ANKRD30B: variants seen among roughly 807,000 people sequenced by gnomAD.
ANKRD30B encodes the protein ankyrin repeat domain 30B.
ANKRD30B carries 144 observed loss-of-function variants against 202.2 expected under a neutral mutation model. The observed-to-expected ratio is 0.71, with a 90% CI of 0.62 to 0.82. The LOEUF (loss-of-function observed/expected upper bound fraction) is 0.82, where lower values mean the gene tolerates loss of function less well. Among genes scored for constraint, ANKRD30B ranks in the 40% least tolerant of loss-of-function variants. ANKRD30B has a pLI of 0.00. For synonymous variants in ANKRD30B, 508 were observed against 561.3 expected, an observed-to-expected ratio of 0.91 and a Z score of 1.34; for missense variants, 1,487 against 1,669.1, an observed-to-expected ratio of 0.89 and a Z score of 1.90.
the ANKRD30B span, among the ~76,000 whole-genome samples, chr18:14,870,889 G>A: frequency 9.9e-5 from 15 of 151,852 alleles, no homozygotes; most frequent in African/African-American, 2.7e-4. Context: ...TCCCAAACCT[G>A]CAGCCAGGCC....
intron 39 of ANKRD30B, among the ~76,000 whole-genome samples, chr18:14,847,075 T>C (rs1380996994): frequency 2.9e-5 from 1 of 34,118 alleles, no homozygotes; most frequent in African/African-American, 1.0e-4. Context: ...TATATATATA[T>C]ATATATATAT....
rs1323304959 is a variant in ANKRD30B, at chr18:14,848,899, C to G, written c.3365C>G (p.Ala1122Gly). The G allele has an allele frequency of 5.0e-6, 8 of 1,595,654 alleles. No individual in the cohort carries two copies. Among genetic ancestry groups the G allele is most frequent in the Non-Finnish European group, 6.8e-6 (8 of 1,173,218 alleles). The change falls in exon 40 of 44, where the codon GCT becomes GGT. Residue 1122 changes from alanine (A) to glycine (G), a missense_variant. Coordinates refer to ENST00000690538, the MANE Select transcript of ANKRD30B (RefSeq NM_001367607.2). Reference sequence around the variant, plus strand: ...AAATCACAGTTAGAGAACCAAAAAGCTAAATGGGAACAAGAGCTCTGCAGT... The same window carrying G: ...AAATCACAGTTAGAGAACCAAAAAGGTAAATGGGAACAAGAGCTCTGCAGT... ...EIKSQLENQKAKWEQELCSVR... is the reference protein window; with the variant it reads ...EIKSQLENQKGKWEQELCSVR...
chr18:14,769,070 C>T (rs1284568580), intron 7 of ANKRD30B, among the ~76,000 whole-genome samples: 1 of 152,202 alleles, frequency 6.6e-6, no homozygotes, highest in African/African-American at 2.4e-5. Context: ...TCATCTGAGT[C>T]TTCATAACAA....
intron 16 of ANKRD30B, among the ~76,000 whole-genome samples, chr18:14,792,729 AAT>A (rs34809108): frequency 0.46 from 68,352 of 147,398 alleles, 15,810 homozygotes; most frequent in East Asian, 0.57. Context: ...TGAGGCATCA[AAT>A]ATATATATAT....
At chr18:14,798,648 C>G (rs1024256205) in intron 20 of ANKRD30B, among the ~76,000 whole-genome samples, 11 of 152,056 alleles carry the variant, frequency 7.2e-5, no homozygotes, top group African/African-American at 9.7e-5. Context: ...CAGGCACCCC[C>G]CTCCGTGCGT....
Position 14,822,687 on chromosome 18 carries a change from G to T in ANKRD30B, c.2743+10G>T. On this transcript the variant is annotated intron_variant, in intron 32 of 43. Transcript: ENST00000690538. ...GAAACATTCAAAGCAGGTAAATTTT[G>T]TAATTTTAATTTTACTGTGGAATTA... 7.7e-7 allele frequency: 1 copy of T among 1,293,146 alleles called. No individual in the cohort carries two copies. Among genetic ancestry groups the T allele is most frequent in the Non-Finnish European group, 1.1e-6 (1 of 949,690 alleles). The allele number at this position is 1,293,146 out of a possible 1,614,324, so 80.1% of individuals were successfully genotyped here.
chr18:14,815,487 T>C (rs1465443532), intron 30 of ANKRD30B, among the ~76,000 whole-genome samples: 1 of 152,022 alleles, frequency 6.6e-6, no homozygotes, highest in Non-Finnish European at 1.5e-5. Flanking sequence ...AGGCCTTTCA[T>C]GGGAAAAATG....
the ANKRD30B span, among the ~76,000 whole-genome samples, chr18:14,882,265 C>A: frequency 6.6e-6 from 1 of 152,188 alleles, no homozygotes; most frequent in Admixed American, 6.5e-5. Context: ...AAACTTTCCT[C>A]TTAGCACTGC....
the ANKRD30B span, among the ~76,000 whole-genome samples, chr18:14,928,520 A>G: frequency 6.6e-6 from 1 of 152,144 alleles, no homozygotes; most frequent in Non-Finnish European, 1.5e-5. Context: ...TGGCCCGAGT[A>G]GGGACATTGG....
At chr18:14,828,584 C>G (rs1487541436) in intron 33 of ANKRD30B, among the ~76,000 whole-genome samples, 1 of 152,134 alleles carries the variant, frequency 6.6e-6, no homozygotes, top group Admixed American at 6.5e-5. Flanking sequence ...ATCTGCTTAC[C>G]TTGCTCCCTA....
the ANKRD30B span, among the ~76,000 whole-genome samples, chr18:14,893,232 A>G: frequency 2.0e-5 from 3 of 152,220 alleles, no homozygotes; most frequent in Admixed American, 6.5e-5. Context: ...AAGCTCAAGA[A>G]TAAAGCAATT....
At chr18:14,828,072 C>T (rs963344825) in intron 32 of ANKRD30B, among the ~76,000 whole-genome samples, 3 of 152,080 alleles carry the variant, frequency 2.0e-5, no homozygotes, top group African/African-American at 4.8e-5. Flanking sequence ...TGAAAGTGTG[C>T]GTGATTCTTT....
chr18:14,926,616 A>T, the ANKRD30B span, among the ~76,000 whole-genome samples: 1 of 152,214 alleles, frequency 6.6e-6, no homozygotes, highest in Non-Finnish European at 1.5e-5. Context: ...AAATATTTTA[A>T]ATTTTAACAT....
chr18:14,823,657 G>A (rs1343083121), intron 32 of ANKRD30B, among the ~76,000 whole-genome samples: 5 of 152,050 alleles, frequency 3.3e-5, no homozygotes, highest in Non-Finnish European at 1.5e-5. Flanking sequence ...AGCTTTTGTT[G>A]TCATTCCCAT....
chr18:14,774,042 T>C (rs931944498), intron 9 of ANKRD30B, among the ~76,000 whole-genome samples: 1 of 152,212 alleles, frequency 6.6e-6, no homozygotes, highest in Non-Finnish European at 1.5e-5. Flanking sequence ...GAAAAGTTTA[T>C]GGAACATTCC....
At chr18:14,925,081 C>T in the ANKRD30B span, among the ~76,000 whole-genome samples, 1 of 152,222 alleles carries the variant, frequency 6.6e-6, no homozygotes, top group Non-Finnish European at 1.5e-5. Context: ...ATAATGAGCC[C>T]TTGTTCCCCC....
chr18:14,787,438 T>G (rs1968160327), intron 15 of ANKRD30B, among the ~76,000 whole-genome samples: 1 of 152,194 alleles, frequency 6.6e-6, no homozygotes. Flanking sequence ...TACATGATTC[T>G]GTCTTATATC....
chr18:14,761,781 G>A (rs1915300035), intron 6 of ANKRD30B, among the ~76,000 whole-genome samples: 1 of 151,990 alleles, frequency 6.6e-6, no homozygotes, highest in South Asian at 2.1e-4. Context: ...TGAACTTCTG[G>A]GCTTTATTTA....
the ANKRD30B span, among the ~76,000 whole-genome samples, chr18:14,872,727 C>T: frequency 6.6e-6 from 1 of 152,124 alleles, no homozygotes; most frequent in Non-Finnish European, 1.5e-5. Context: ...GAATCTGAGC[C>T]AGCTGAGCCC....
Sources: gnomAD v4.1 joint callset for allele counts (sites outside exome capture counted in the v4.1 genomes callset) on GRCh38, gnomAD v4.1.1 for gene constraint, MANE v1.5 for transcripts, NCBI Gene and HGNC (gene_info 2026-07-23, HGNC 2026-07-21) for gene names.